Variants in TDRD5 observed in about 807,000 individuals in gnomAD.
TDRD5 encodes the protein tudor domain containing 5, also known as tudor domain-containing protein 5.
TDRD5 carries 41 observed loss-of-function variants against 120.6 expected under a neutral mutation model. The ratio of observed to expected loss-of-function variants is 0.34; its 90% CI spans 0.26 to 0.44. The LOEUF (loss-of-function observed/expected upper bound fraction) is 0.44. Ranked by LOEUF, TDRD5 falls within the 20% of genes least tolerant of loss-of-function variation. The pLI is 1.00. For missense variants in TDRD5, 1,006 were observed against 1,221.2 expected, an observed-to-expected ratio of 0.82 and a Z score of 2.63; for synonymous variants, 430 against 433.7, an observed-to-expected ratio of 0.99 and a Z score of 0.11.
At chr1:179,657,754 A>G (rs1679083165) in intron 14 of TDRD5, among the ~76,000 whole-genome samples, 1 of 152,092 alleles carries the variant, frequency 6.6e-6, no homozygotes, top group Non-Finnish European at 1.5e-5. Flanking sequence ...AAAATTGCAT[A>G]TATGGTGTAC....
chr1:179,606,317 T>A (rs940386635), intron 4 of TDRD5, among the ~76,000 whole-genome samples: 2 of 151,034 alleles, frequency 1.3e-5, no homozygotes, highest in African/African-American at 4.8e-5. Flanking sequence ...TTTTAAGAGT[T>A]CTTTGTTTTG....
chr1:179,687,894 T>C (rs2147827544), intron 17 of TDRD5, among the ~76,000 whole-genome samples: 1 of 150,348 alleles, frequency 6.7e-6, no homozygotes, highest in African/African-American at 2.4e-5. Context: ...TTCCATTTGC[T>C]TGGTAGTTCT....
rs562922851 is a variant in TDRD5 at position 179,650,929 on chromosome 1, G to A, written c.1863G>A (p.Val621=). 4 of 1,614,120 alleles carry A rather than the reference G, an allele frequency of 2.5e-6. No homozygotes were observed. Among genetic ancestry groups the A allele is most frequent in the East Asian group, 4.5e-5 (2 of 44,874 alleles). ...FQKLCGLKPL[V]GVVDEYVDGI... is the part of the protein sequence containing the mutation. ...AGTTGTGCGGTTTGAAGCCATTAGT[G>A]GGGGTAGTGGATGAATATGTAGATG... The change falls in exon 12 of 18, where the codon GTG becomes GTA. Residue 621 remains valine (V), a synonymous_variant. Transcript: ENST00000444136.
intron 17 of TDRD5, among the ~76,000 whole-genome samples, chr1:179,680,698 T>C (rs1036564898): frequency 1.4e-4 from 22 of 152,338 alleles, no homozygotes; most frequent in African/African-American, 5.1e-4. Flanking sequence ...GTGCTGTGGC[T>C]CACGCCTGTA....
intron 8 of TDRD5, 106 bp downstream of exon 8, chr1:179,634,735 G>C: frequency 7.9e-7 from 1 of 1,266,234 alleles, no homozygotes; most frequent in Non-Finnish European, 1.1e-6. Flanking sequence ...CTTATTTCTG[G>C]ATATATCATT....
chr1:179,654,143 A>G, intron 13 of TDRD5, 58 bp from the exon 14 acceptor site: 3 of 1,390,580 alleles, frequency 2.2e-6, no homozygotes, highest in Non-Finnish European at 2.9e-6. Flanking sequence ...ATAGGCATGT[A>G]GATTTTGGAA....
At chr1:179,629,855 G>T (rs370513945) in intron 6 of TDRD5, among the ~76,000 whole-genome samples, 2 of 152,110 alleles carry the variant, frequency 1.3e-5, no homozygotes, top group Admixed American at 1.3e-4. Context: ...TGTATTTTAT[G>T]TGTCTATCCC....
chr1:179,658,026 G>T (rs866571055), intron 14 of TDRD5, among the ~76,000 whole-genome samples: 5 of 152,044 alleles, frequency 3.3e-5, no homozygotes, highest in African/African-American at 1.2e-4. Flanking sequence ...CTAGCCTCTG[G>T]TAACTACTAT....
chr1:179,628,946 T>G (rs900536522), intron 6 of TDRD5, among the ~76,000 whole-genome samples: 1 of 133,596 alleles, frequency 7.5e-6, no homozygotes, highest in Non-Finnish European at 1.7e-5. Context: ...TGTTGTTGTT[T>G]TTGCCAATTT....
intron 9 of TDRD5, among the ~76,000 whole-genome samples, 200 bp downstream of exon 9, chr1:179,636,087 A>T (rs1438384995): frequency 6.6e-6 from 1 of 152,162 alleles, no homozygotes; most frequent in African/African-American, 2.4e-5. Context: ...TTTTATGAAA[A>T]TAACTTTTTG....
intron 11 of TDRD5, among the ~76,000 whole-genome samples, chr1:179,647,750 GA>G (rs888170564): frequency 8.0e-5 from 12 of 150,244 alleles, no homozygotes; most frequent in Non-Finnish European, 1.5e-4. Context: ...AAATTTACAA[GA>G]AAAAAACAAA....
intron 4 of TDRD5, among the ~76,000 whole-genome samples, chr1:179,607,003 A>G (rs1021548747): frequency 1.3e-5 from 2 of 152,184 alleles, no homozygotes; most frequent in Non-Finnish European, 2.9e-5. Flanking sequence ...TTGGGATTGA[A>G]TAGAATCTAT....
At position 179,663,419 on chromosome 1, in the gene TDRD5, G is replaced by A. The variant is rs149892600; in HGVS notation, c.2577G>A (p.Thr859=). ...AGCCTTCAGGCCTTGTAAATGGAAC[G>A]AAAGTAGAAGTTCATAAGCCAGAAG... is the stretch of plus-strand genomic sequence containing the variant. ...SWQPSGLVNG[T]KVEVHKPEVL... Residue 859 remains threonine (T), a synonymous_variant, in exon 16 of 18, where the codon ACG becomes ACA. Coordinates refer to ENST00000444136, the MANE Select transcript of TDRD5 (RefSeq NM_001199085.3). 39 of 1,613,644 alleles carry A rather than the reference G, an allele frequency of 2.4e-5. No individual in the cohort carries two copies. The highest frequency in any genetic ancestry group is 1.3e-4 in the East Asian group (6 of 44,860).
intron 17 of TDRD5, among the ~76,000 whole-genome samples, chr1:179,690,003 C>T (rs995902174): frequency 6.6e-5 from 10 of 152,148 alleles, no homozygotes; most frequent in African/African-American, 1.7e-4. Context: ...TGCGCTTCCC[C>T]GGTGAGGCGA....
chr1:179,594,903 A>G (rs1675304557), intron 3 of TDRD5, among the ~76,000 whole-genome samples: 1 of 152,226 alleles, frequency 6.6e-6, no homozygotes, highest in South Asian at 2.1e-4. Context: ...TACACTTGCA[A>G]GAGATTGAGT....
intron 16 of TDRD5, 91 bp from the exon 17 acceptor site, chr1:179,669,103 T>C (rs1679721795): frequency 8.7e-7 from 1 of 1,142,908 alleles, no homozygotes; most frequent in Middle Eastern, 2.0e-4. Context: ...TATGGAAATA[T>C]TTGTATTTTG....
Position 179,617,201 on chromosome 1 carries a change from T to C in TDRD5, c.832-1398T>C, listed in dbSNP as rs1254146806. 2.6e-5 allele frequency among the ~76,000 whole-genome samples: 4 copies of C among 152,220 alleles called. No individual in the cohort carries two copies. In the South Asian group the frequency reaches 6.2e-4, roughly 24 times the overall value. On this transcript the variant is annotated intron_variant, in intron 4 of 17. Coordinates refer to ENST00000444136, the MANE Select transcript of TDRD5 (RefSeq NM_001199085.3). ...AAAATAGGGGAAAACCCTCATAAAC[T>C]TGATAGGGAGCCATGTACTTGCCAA...
In TDRD5 at chr1:179,669,529, G is replaced by A. The variant is rs1462650681; in HGVS notation, c.2860+125G>A. On this transcript the variant is annotated intron_variant, in intron 17 of 17. Transcript: ENST00000444136. The stretch of plus-strand genomic sequence containing the variant: ...TGAAACATTACTGACGTTAGCATTT[G>A]TGTTAAGTCCTTGTTTTATGTTTGG... 7 of 1,043,400 alleles carry A rather than the reference G, an allele frequency of 6.7e-6. No individual in the cohort carries two copies. The South Asian group carries it at 9.7e-5, about 14-fold the overall frequency. 64.6% of individuals were successfully genotyped at this position (1,043,400 alleles called of 1,614,324 possible). A position where few individuals can be genotyped will look rare whatever the true frequency, so the allele number is the denominator to read the frequency against.
At chr1:179,631,591 T>G (rs1677451710) in intron 7 of TDRD5, among the ~76,000 whole-genome samples, 1 of 152,072 alleles carries the variant, frequency 6.6e-6, no homozygotes, top group Non-Finnish European at 1.5e-5. Context: ...AAAATAAACT[T>G]TTAATTTTAG....
Sources: allele counts gnomAD v4.1 joint callset (sites outside exome capture counted in the v4.1 genomes callset), GRCh38; gene constraint gnomAD v4.1.1; transcripts MANE v1.5; gene names NCBI Gene and HGNC (gene_info 2026-07-23, HGNC 2026-07-21).